Variants in SLC9C2 observed in about 807,000 individuals in gnomAD.
SLC9C2 encodes sodium/hydrogen exchanger 11.
In SLC9C2, 75 loss-of-function variants were observed where a neutral mutation model predicts 140.2. That is an observed-to-expected ratio of 0.53 (90% CI 0.44 to 0.65). SLC9C2 has a LOEUF of 0.65. SLC9C2 is among the 30% of genes least tolerant of loss of function. SLC9C2 has a pLI of 0.00. For missense variants in SLC9C2, 1,074 were observed against 1,331.8 expected, an observed-to-expected ratio of 0.81 and a Z score of 3.01; for synonymous variants, 375 against 420.9, an observed-to-expected ratio of 0.89 and a Z score of 1.34.
At chr1:173,521,248 G>A in intron 22 of SLC9C2, 53 bp downstream of exon 22, 2 of 986,012 alleles carry the variant, frequency 2.0e-6, no homozygotes, top group Non-Finnish European at 2.9e-6. Context: ...ACAATTACAT[G>A]TTTCAAAATA....
chr1:173,512,473 C>T (rs1331044049), intron 23 of SLC9C2, among the ~76,000 whole-genome samples: 4 of 151,964 alleles, frequency 2.6e-5, no homozygotes, highest in Admixed American at 6.6e-5. Context: ...TGGTGCATAG[C>T]AATGCTTGTG....
intron 26 of SLC9C2, among the ~76,000 whole-genome samples, chr1:173,504,835 A>G (rs1283033876): frequency 6.6e-6 from 1 of 152,188 alleles, no homozygotes; most frequent in Non-Finnish European, 1.5e-5. Context: ...TGGAATACTC[A>G]CTGACTATGG....
chr1:173,568,147 G>A (rs1664609628), intron 9 of SLC9C2, among the ~76,000 whole-genome samples: 1 of 151,966 alleles, frequency 6.6e-6, no homozygotes, highest in African/African-American at 2.4e-5. Flanking sequence ...TTTTATTTTA[G>A]GTTTGGGAGT....
Position 173,506,895 on chromosome 1 carries a change from T to C in SLC9C2, c.3186A>G (p.Pro1062=). 6.2e-7 allele frequency: 1 copy of C among 1,613,750 alleles called. No homozygotes were observed. The highest frequency in any genetic ancestry group is 8.5e-7 in the Non-Finnish European group (1 of 1,179,884). ...TAGGTATAATGCAAGGTGCAAAATA[T>C]GGTTCCTCTGTCTTAGTATCAATTA... ...GSVIDTKTEE[P]YFAPCIIPTT... is the part of the protein sequence containing the mutation. The change falls in exon 25 of 28, where the codon CCA becomes CCG. Residue 1062 remains proline, a synonymous_variant. Transcript: ENST00000367714.
intron 6 of SLC9C2, 140 bp downstream of exon 6, chr1:173,583,366 T>C (rs1665665301): frequency 3.8e-6 from 2 of 520,088 alleles, no homozygotes; most frequent in African/African-American, 3.9e-5. Context: ...CAACTATGAT[T>C]TTTTTCTTGT....
At chr1:173,556,859 C>T (rs935069253) in intron 10 of SLC9C2, among the ~76,000 whole-genome samples, 2 of 149,680 alleles carry the variant, frequency 1.3e-5, no homozygotes, top group Non-Finnish European at 3.0e-5. Context: ...ACCTGGGAGG[C>T]GGAGGTTGCA....
chr1:173,568,810 GTCTT>G (rs1015373228), intron 9 of SLC9C2, among the ~76,000 whole-genome samples: 23 of 152,028 alleles, frequency 1.5e-4, no homozygotes, highest in Non-Finnish European at 1.5e-5. Flanking sequence ...TCATCTTTTA[GTCTT>G]TCTATTCAAA....
intron 9 of SLC9C2, among the ~76,000 whole-genome samples, chr1:173,564,308 C>T (rs1664306240): frequency 6.6e-6 from 1 of 152,224 alleles, no homozygotes; most frequent in African/African-American, 2.4e-5. Flanking sequence ...TACTAATCTA[C>T]ATTCCCACCA....
At chr1:173,585,368 A>C (rs1665789605) in intron 5 of SLC9C2, among the ~76,000 whole-genome samples, 3 of 152,214 alleles carry the variant, frequency 2.0e-5, no homozygotes, top group South Asian at 4.1e-4. Context: ...ATTTGGCAAA[A>C]AATAGTTTTT....
chr1:173,531,593 T>C (rs1348501960), intron 17 of SLC9C2, among the ~76,000 whole-genome samples: 1 of 152,234 alleles, frequency 6.6e-6, no homozygotes, highest in Non-Finnish European at 1.5e-5. Context: ...CCTTTGCTTC[T>C]TTGCAGTTGG....
chr1:173,567,209 C>G (rs1485591463), intron 9 of SLC9C2, among the ~76,000 whole-genome samples: 3 of 151,904 alleles, frequency 2.0e-5, no homozygotes, highest in Admixed American at 6.6e-5. Flanking sequence ...AAATTAAGTC[C>G]AATGTTTCTT....
chr1:173,508,519 G>A (rs1659809703), intron 24 of SLC9C2, among the ~76,000 whole-genome samples: 1 of 142,556 alleles, frequency 7.0e-6, no homozygotes, highest in African/African-American at 2.4e-5. Flanking sequence ...CACTTCTCAT[G>A]AAGATGCAAG....
chr1:173,542,586 T>C (rs933562416), intron 13 of SLC9C2, among the ~76,000 whole-genome samples: 1 of 152,128 alleles, frequency 6.6e-6, no homozygotes, highest in Non-Finnish European at 1.5e-5. Context: ...ATATCCCTGA[T>C]GAACATCAAT....
chr1:173,584,379 TAAC>T (rs972573002), intron 5 of SLC9C2, among the ~76,000 whole-genome samples: 7 of 152,202 alleles, frequency 4.6e-5, no homozygotes, highest in Admixed American at 3.9e-4. Flanking sequence ...AATTTCCATC[TAAC>T]ATCATTTTCT....
chr1:173,553,319 G>C (rs527909660), intron 11 of SLC9C2, among the ~76,000 whole-genome samples: 42 of 152,326 alleles, frequency 2.8e-4, no homozygotes, highest in African/African-American at 8.9e-4. Flanking sequence ...AAACTTAGTT[G>C]CTAAAGTAGT....
At chr1:173,526,588 T>A in intron 19 of SLC9C2, 75 bp downstream of exon 19, 1 of 1,271,742 alleles carries the variant, frequency 7.9e-7, no homozygotes, top group East Asian at 2.3e-5. Flanking sequence ...AATGAAAGCA[T>A]GAATTGTTCT....
At chr1:173,602,522 CAG>C (rs1483139076) in intron 1 of SLC9C2, among the ~76,000 whole-genome samples, 1 of 152,136 alleles carries the variant, frequency 6.6e-6, no homozygotes, top group Non-Finnish European at 1.5e-5. Context: ...CCCCCTTCCT[CAG>C]AGCAATGAAG....
intron 23 of SLC9C2, among the ~76,000 whole-genome samples, chr1:173,516,498 T>C (rs932101455): frequency 1.3e-5 from 2 of 152,170 alleles, no homozygotes; most frequent in African/African-American, 4.8e-5. Context: ...CAGTGTGTTT[T>C]ATTCCCCTCT....
chr1:173,580,358 T>C (rs1665452271), intron 7 of SLC9C2, among the ~76,000 whole-genome samples: 1 of 151,676 alleles, frequency 6.6e-6, no homozygotes, highest in African/African-American at 2.4e-5. Flanking sequence ...TATAACACTT[T>C]TTTTTTTTTT....
Sources: gnomAD v4.1 joint callset for allele counts (sites outside exome capture counted in the v4.1 genomes callset) on GRCh38, gnomAD v4.1.1 for gene constraint, MANE v1.5 for transcripts, NCBI Gene and HGNC (gene_info 2026-07-23, HGNC 2026-07-21) for gene names.